The following SGCZ variants were observed in gnomAD, a reference collection of about 807,000 sequenced individuals.
The protein encoded by SGCZ is zeta-sarcoglycan.
Under a neutral mutation model 41.3 loss-of-function variants are expected in SGCZ, and 40 were observed. That is an observed-to-expected ratio of 0.97 (90% confidence interval 0.75 to 1.26). SGCZ has a LOEUF of 1.26. Among genes scored for constraint, SGCZ ranks in the 50% most tolerant of loss-of-function variants. SGCZ has a pLI of 0.00. For missense variants in SGCZ, 552 were observed against 369.8 expected (o/e 1.49, Z -4.04); for synonymous variants, 206 against 137.5 (o/e 1.50, Z -3.49).
chr8:14,163,171 T>G (rs1266403346), intron 5 of SGCZ, among the ~76,000 whole-genome samples: 3 of 152,190 alleles, frequency 2.0e-5, no homozygotes, highest in East Asian at 1.9e-4. Flanking sequence ...CCAATACACT[T>G]TTTTTAACTT....
At chr8:14,156,353 C>T (rs1187445724) in intron 5 of SGCZ, among the ~76,000 whole-genome samples, 1 of 151,840 alleles carries the variant, frequency 6.6e-6, no homozygotes, top group African/African-American at 2.4e-5. Flanking sequence ...CCCAGCTACT[C>T]AGGAGGCTGA....
chr8:14,951,610 A>T (rs1380222824), intron 1 of SGCZ, among the ~76,000 whole-genome samples: 1 of 152,046 alleles, frequency 6.6e-6, no homozygotes, highest in African/African-American at 2.4e-5. Context: ...TCAACGTCTC[A>T]AAAACTAATT....
intron 1 of SGCZ, among the ~76,000 whole-genome samples, chr8:15,236,647 T>A (rs1444922218): frequency 1.3e-5 from 2 of 151,608 alleles, no homozygotes; most frequent in Non-Finnish European, 2.9e-5. Context: ...TTTTTTAAAG[T>A]TTTTATTTAT....
chr8:14,211,316 C>A (rs1396557243), intron 4 of SGCZ, among the ~76,000 whole-genome samples: 1 of 152,136 alleles, frequency 6.6e-6, no homozygotes, highest in African/African-American at 2.4e-5. Context: ...AACTCTACAG[C>A]CCATGAAGCT....
chr8:14,597,605 G>A (rs145314984), intron 1 of SGCZ, among the ~76,000 whole-genome samples: 48 of 152,258 alleles, frequency 3.2e-4, no homozygotes, highest in Non-Finnish European at 5.7e-4. Context: ...AGCCTCTAGA[G>A]TAGCTGGGAT....
intron 1 of SGCZ, among the ~76,000 whole-genome samples, chr8:14,742,818 T>C (rs1799233090): frequency 6.6e-6 from 1 of 152,102 alleles, no homozygotes; most frequent in African/African-American, 2.4e-5. Flanking sequence ...GTATGTTACC[T>C]GTATATTTAC....
intron 1 of SGCZ, among the ~76,000 whole-genome samples, chr8:14,747,691 A>ATTATTATG (rs571553565): frequency 7.6e-6 from 1 of 131,722 alleles, no homozygotes; most frequent in Non-Finnish European, 1.6e-5. Context: ...TATTATTATT[A>ATTATTATG]TGTGTGTGTG....
chr8:14,888,110 A>G (rs1804878073), intron 1 of SGCZ, among the ~76,000 whole-genome samples: 2 of 152,328 alleles, frequency 1.3e-5, no homozygotes, highest in South Asian at 4.1e-4. Context: ...ATGTAATAAA[A>G]TAAAAAAGTA....
chr8:14,907,770 A>C (rs1369077529), intron 1 of SGCZ, among the ~76,000 whole-genome samples: 1 of 152,200 alleles, frequency 6.6e-6, no homozygotes, highest in African/African-American at 2.4e-5. Context: ...CATGCACAGA[A>C]ATGAGCCACA....
intron 3 of SGCZ, among the ~76,000 whole-genome samples, chr8:14,252,929 C>A (rs913793504): frequency 6.6e-6 from 1 of 152,144 alleles, no homozygotes; most frequent in Non-Finnish European, 1.5e-5. Flanking sequence ...AAAGAAAATA[C>A]ATCTTTTTGT....
At chr8:14,916,207 T>C (rs1045135273) in intron 1 of SGCZ, among the ~76,000 whole-genome samples, 3 of 152,222 alleles carry the variant, frequency 2.0e-5, no homozygotes, top group African/African-American at 7.2e-5. Flanking sequence ...GTGAGATTTC[T>C]ACTAAAATTC....
At chr8:14,423,827 T>C (rs1213885956) in intron 2 of SGCZ, among the ~76,000 whole-genome samples, 1 of 152,176 alleles carries the variant, frequency 6.6e-6, no homozygotes, top group Non-Finnish European at 1.5e-5. Flanking sequence ...ATTTACTTTC[T>C]CTCTCATTTT....
At chr8:14,396,328 ACTT>A (rs772462022) in intron 2 of SGCZ, among the ~76,000 whole-genome samples, 43 of 149,958 alleles carry the variant, frequency 2.9e-4, no homozygotes, top group Non-Finnish European at 5.7e-4. Context: ...TATTGTTCTA[ACTT>A]CTTATTGCCA....
At chr8:14,702,816 G>GATAGATAGATAGATAGATAGATAC (rs1563212900) in intron 1 of SGCZ, among the ~76,000 whole-genome samples, 2 of 6,820 alleles carry the variant, frequency 2.9e-4, no homozygotes, top group African/African-American at 8.1e-4. Flanking sequence ...TAGTTAGGTA[G>GATAGATAGATAGATAGATAGATAC]ATAGATAGAT....
chr8:15,163,536 C>A, intron 1 of SGCZ, among the ~76,000 whole-genome samples: 1 of 152,068 alleles, frequency 6.6e-6, no homozygotes, highest in South Asian at 2.1e-4. Flanking sequence ...TTCATTTAAT[C>A]TTGAAGTTCT....
intron 1 of SGCZ, among the ~76,000 whole-genome samples, chr8:14,980,430 T>G (rs907453190): frequency 3.9e-5 from 6 of 152,218 alleles, no homozygotes; most frequent in Non-Finnish European, 5.9e-5. Flanking sequence ...TTGTCTTCAT[T>G]GATATAGAAA....
chr8:14,511,025 C>A (rs1280634597), intron 2 of SGCZ, among the ~76,000 whole-genome samples: 1 of 151,976 alleles, frequency 6.6e-6, no homozygotes, highest in East Asian at 1.9e-4. Flanking sequence ...ATTTATTTTT[C>A]TTTTGGATAA....
intron 2 of SGCZ, among the ~76,000 whole-genome samples, chr8:14,460,840 T>C (rs938219653): frequency 1.5e-4 from 23 of 152,158 alleles, no homozygotes; most frequent in African/African-American, 5.3e-4. Context: ...TGAGACAGTA[T>C]TGTTAATTAT....
rs1031732594 is a variant in SGCZ at position 14,621,436 on chromosome 8, T to TA, written c.40-66511dup. On this transcript the variant is annotated intron_variant, in intron 1 of 7. Coordinates refer to ENST00000382080, the MANE Select transcript of SGCZ (RefSeq NM_139167.4). ...ATGTACCATAGAACTTAAAGTATAA[T>TA]AAAAAAATAAATAAAAAATAAAGAT... Among the ~76,000 whole-genome samples, 11 of 146,088 alleles carry TA rather than the reference T, an allele frequency of 7.5e-5. No individual in the cohort carries two copies. In the East Asian group the frequency reaches 1.6e-3, roughly 21 times the overall value.
Sources: gnomAD v4.1 joint callset for allele counts (sites outside exome capture counted in the v4.1 genomes callset) on GRCh38, gnomAD v4.1.1 for gene constraint, MANE v1.5 for transcripts, NCBI Gene and HGNC (gene_info 2026-07-23, HGNC 2026-07-21) for gene names.